Variants in SIMC1 observed in about 807,000 individuals in gnomAD.
SIMC1 encodes the protein SUMO interacting motifs containing 1, also known as SUMO-interacting motif-containing protein 1.
In SIMC1, 55 loss-of-function variants were observed where a neutral mutation model predicts 82.3. That is an observed-to-expected ratio of 0.67 (90% CI 0.54 to 0.84). The LOEUF is 0.84. SIMC1 is among the 40% of genes least tolerant of loss of function. The pLI is 0.00. For synonymous variants in SIMC1, 353 were observed against 426.3 expected (o/e 0.83, Z 2.12); for missense variants, 915 against 1,107.2 (o/e 0.83, Z 2.46).
At chr5:176,277,896 T>G (rs545018407) in intron 1 of SIMC1, among the ~76,000 whole-genome samples, 2 of 151,234 alleles carry the variant, frequency 1.3e-5, no homozygotes, top group African/African-American at 2.4e-5. Context: ...GCCTCCAGCT[T>G]TGTTCTTTTG....
intron 7 of SIMC1, among the ~76,000 whole-genome samples, chr5:176,326,571 T>C (rs1401677852): frequency 6.6e-6 from 1 of 151,826 alleles, no homozygotes; most frequent in Admixed American, 6.6e-5. Context: ...TATTTATTTA[T>C]TTATTTGTTT....
At chr5:176,274,534 C>T (rs951145936) in intron 1 of SIMC1, among the ~76,000 whole-genome samples, 1 of 151,802 alleles carries the variant, frequency 6.6e-6, no homozygotes, top group African/African-American at 2.4e-5. Flanking sequence ...TCAATTTTGG[C>T]TTTTGTTGCC....
rs1042002389 is a variant in SIMC1, at chr5:176,333,957, T to A, written c.2172-2763T>A. On this transcript the variant is annotated intron_variant, in intron 7 of 9. Transcript: ENST00000429602. ...GCTGTTAAGTCTATTATTGGTTTTT[T>A]TTTTTTGGAACTAGAGTTAACATTT... is the stretch of plus-strand genomic sequence containing the variant. 1.1e-4 allele frequency among the ~76,000 whole-genome samples: 17 copies of A among 152,278 alleles called. 1 individual carries two copies. The highest frequency in any genetic ancestry group is 4.1e-4 in the African/African-American group (17 of 41,570).
intron 4 of SIMC1, among the ~76,000 whole-genome samples, chr5:176,301,712 G>A (rs1353501488): frequency 6.6e-6 from 1 of 151,986 alleles, no homozygotes; most frequent in African/African-American, 2.4e-5. Flanking sequence ...CCGGGAGGCA[G>A]GGGTTGCAGT....
At chr5:176,278,123 C>A (rs1440639367) in intron 1 of SIMC1, among the ~76,000 whole-genome samples, 3 of 75,260 alleles carry the variant, frequency 4.0e-5, no homozygotes, top group African/African-American at 1.0e-4. Flanking sequence ...CTTTTATTTC[C>A]TTGAGCAGTG....
intron 1 of SIMC1, among the ~76,000 whole-genome samples, chr5:176,287,373 G>A (rs1316186914): frequency 5.3e-5 from 8 of 152,062 alleles, no homozygotes; most frequent in Admixed American, 3.3e-4. Flanking sequence ...GTAAACTATC[G>A]CAAGGACAGA....
At chr5:176,280,675 T>C (rs575086745) in intron 1 of SIMC1, among the ~76,000 whole-genome samples, 52 of 152,300 alleles carry the variant, frequency 3.4e-4, no homozygotes, top group African/African-American at 1.2e-3. Flanking sequence ...TAAAGGATTT[T>C]ATTTCTCTTT....
intron 9 of SIMC1, among the ~76,000 whole-genome samples, chr5:176,342,383 C>G (rs1280939517): frequency 6.6e-6 from 1 of 152,158 alleles, no homozygotes; most frequent in African/African-American, 2.4e-5. Context: ...TTTTATTACT[C>G]TGATTTTTTT....
intron 7 of SIMC1, among the ~76,000 whole-genome samples, chr5:176,325,475 G>A (rs918068253): frequency 4.6e-5 from 7 of 152,208 alleles, no homozygotes; most frequent in African/African-American, 1.7e-4. Flanking sequence ...CACGAGGTCA[G>A]GAGATCGAGA....
In SIMC1 at chr5:176,279,311, G is replaced by A. The variant is rs1396222669; in HGVS notation, c.130-10343G>A. On this transcript the variant is annotated intron_variant, in intron 1 of 9. Coordinates refer to ENST00000429602, the MANE Select transcript of SIMC1 (RefSeq NM_001308195.2). ...TATTCTTTGTGTTTCTGTGGGATTGGTGGTGATATCCCCTTTATCATTTTT... is the reference window on the plus strand; with the variant it reads ...TATTCTTTGTGTTTCTGTGGGATTGATGGTGATATCCCCTTTATCATTTTT... Among the ~76,000 whole-genome samples the A allele has an allele frequency of 2.0e-5, 3 of 152,224 alleles. No individual in the cohort carries two copies. The East Asian group carries it at 5.8e-4, about 29-fold the overall frequency.
intron 4 of SIMC1, chr5:176,308,834 C>G: frequency 8.1e-7 from 1 of 1,235,596 alleles, no homozygotes; most frequent in Non-Finnish European, 1.2e-6. Context: ...CACATCTGGA[C>G]TCATAACCAA....
intron 1 of SIMC1, among the ~76,000 whole-genome samples, chr5:176,282,586 G>C (rs150982203): frequency 1.3e-5 from 2 of 152,118 alleles, no homozygotes; most frequent in East Asian, 3.8e-4. Flanking sequence ...TCCTCCCCCC[G>C]AAAAGCTGAA....
At chr5:176,270,465 A>G (rs1762376270) in intron 1 of SIMC1, 1 of 152,124 alleles carries the variant, frequency 6.6e-6, no homozygotes, top group Non-Finnish European at 1.5e-5. Flanking sequence ...AAGCAAGAAC[A>G]CCAACTTGAA....
chr5:176,332,207 G>A (rs974513474), intron 7 of SIMC1, among the ~76,000 whole-genome samples: 1 of 152,080 alleles, frequency 6.6e-6, no homozygotes, highest in Non-Finnish European at 1.5e-5. Context: ...TGGATTGATT[G>A]AAGATTTTCT....
At chr5:176,262,502 CAG>C (rs921312159) in intron 1 of SIMC1, among the ~76,000 whole-genome samples, 1 of 152,044 alleles carries the variant, frequency 6.6e-6, no homozygotes, top group African/African-American at 2.4e-5. Context: ...AAAAAGAAAA[CAG>C]AAGAAAAGAA....
chr5:176,293,263 C>A (rs1763658841), intron 2 of SIMC1, among the ~76,000 whole-genome samples: 1 of 151,644 alleles, frequency 6.6e-6, no homozygotes, highest in Non-Finnish European at 1.5e-5. Flanking sequence ...CATAGTGAAA[C>A]CCCCTCTATA....
At chr5:176,263,477 C>T in intron 1 of SIMC1, 1 of 1,545,556 alleles carries the variant, frequency 6.5e-7, no homozygotes, top group Non-Finnish European at 8.7e-7. Flanking sequence ...AAGCTTCCAA[C>T]CATGGCAGAG....
chr5:176,254,828 G>A (rs1445688800), intron 1 of SIMC1, among the ~76,000 whole-genome samples: 1 of 152,110 alleles, frequency 6.6e-6, no homozygotes, highest in African/African-American at 2.4e-5. Flanking sequence ...TAAAAAATAA[G>A]AATACTCATG....
rs1019246518 is a variant in SIMC1, at chr5:176,275,785, C to T, written c.130-13869C>T. 2.8e-4 allele frequency among the ~76,000 whole-genome samples: 43 copies of T among 151,610 alleles called. 2 individuals are homozygous for T. Among genetic ancestry groups the T allele is most frequent in the African/African-American group, 7.3e-4 (30 of 41,316 alleles). ...ATGCTGGATTACATTTATTGATTTC[C>T]GTATATTGAACCAGCCTTGCATCCC... On this transcript the variant is annotated intron_variant, in intron 1 of 9. Coordinates refer to ENST00000429602, the MANE Select transcript of SIMC1 (RefSeq NM_001308195.2).
Sources: gnomAD v4.1 joint callset for allele counts (sites outside exome capture counted in the v4.1 genomes callset) on GRCh38, gnomAD v4.1.1 for gene constraint, MANE v1.5 for transcripts, NCBI Gene and HGNC (gene_info 2026-07-23, HGNC 2026-07-21) for gene names.